The following NFATC2 variants were observed in gnomAD, a reference collection of about 807,000 sequenced individuals.
NFATC2 encodes the protein nuclear factor of activated T-cells, cytoplasmic 2.
NFATC2 carries 22 observed loss-of-function variants against 87.3 expected under a neutral mutation model. The observed-to-expected ratio is 0.25, with a 90% CI of 0.18 to 0.36. The LOEUF (loss-of-function observed/expected upper bound fraction) is 0.36, where lower values mean the gene tolerates loss of function less well. Among genes scored for constraint, NFATC2 ranks in the 10% least tolerant of loss-of-function variants. The pLI is 1.00. For missense variants in NFATC2, 1,149 were observed against 1,259.1 expected, an observed-to-expected ratio of 0.91 and a Z score of 1.32; for synonymous variants, 565 against 542.2, an observed-to-expected ratio of 1.04 and a Z score of -0.58.
At chr20:51,443,764 G>A (rs932584318) in intron 6 of NFATC2, among the ~76,000 whole-genome samples, 1 of 152,152 alleles carries the variant, frequency 6.6e-6, no homozygotes, top group Admixed American at 6.5e-5. Context: ...CTCTTGAGCA[G>A]ATGTTCAGGC....
intron 9 of NFATC2, among the ~76,000 whole-genome samples, chr20:51,422,667 A>C (rs1814394366): frequency 6.6e-6 from 1 of 150,950 alleles, no homozygotes; most frequent in African/African-American, 2.4e-5. Flanking sequence ...CCAGAATGTT[A>C]CTTGAAGGCA....
At chr20:51,420,520 A>AT (rs1275593367) in intron 9 of NFATC2, among the ~76,000 whole-genome samples, 1 of 152,146 alleles carries the variant, frequency 6.6e-6, no homozygotes, top group Non-Finnish European at 1.5e-5. Flanking sequence ...AAACAACCTC[A>AT]TTTTTTCAAC....
chr20:51,562,747 G>C, upstream of NFATC2: 1 of 968,668 alleles, frequency 1.0e-6, no homozygotes, highest in Non-Finnish European at 1.5e-6. This position sits in a 1 kb window ranked among gnomAD's most constrained non-coding sequence, Gnocchi z 5.8. Context: ...TGGCCGAGGA[G>C]CCTCGGAGCG....
intron 6 of NFATC2, among the ~76,000 whole-genome samples, chr20:51,449,898 C>CTAAT (rs1325899859): frequency 6.6e-6 from 1 of 151,680 alleles, no homozygotes; most frequent in Non-Finnish European, 1.5e-5. Flanking sequence ...TAATGAACTA[C>CTAAT]TAATTACTCA....
chr20:51,391,294 A>G lies in NFATC2; in HGVS notation c.*202T>C, dbSNP rs771733644. ...TGCCCATACATTGATCCGCGTGTGG[A>G]CTCCGGGCTGGGAGATGAACATGAA... On this transcript the variant is annotated 3_prime_UTR_variant, in exon 11 of 11. Transcript: ENST00000371564. 1.6e-6 allele frequency: 2 copies of G among 1,259,474 alleles called. No homozygotes were observed. Among genetic ancestry groups the G allele is most frequent in the Admixed American group, 1.7e-5 (1 of 59,440 alleles). 78.0% of individuals were successfully genotyped at this position (1,259,474 alleles called of 1,614,324 possible). A position where few individuals can be genotyped will look rare whatever the true frequency, so the allele number is the denominator to read the frequency against.
intron 2 of NFATC2, among the ~76,000 whole-genome samples, chr20:51,517,945 T>C (rs947300971): frequency 1.3e-5 from 2 of 151,756 alleles, no homozygotes; most frequent in Admixed American, 1.3e-4. Context: ...AAAACAGTAT[T>C]ATAATCTTAC....
intron 9 of NFATC2, among the ~76,000 whole-genome samples, chr20:51,425,525 C>T (rs1366818283): frequency 7.2e-5 from 11 of 152,208 alleles, no homozygotes; most frequent in African/African-American, 2.7e-4. Flanking sequence ...CACCAGGAGG[C>T]CCAGCCCTGC....
chr20:51,402,331 A>AGTAGC (rs1988132439), intron 9 of NFATC2, among the ~76,000 whole-genome samples: 1 of 152,238 alleles, frequency 6.6e-6, no homozygotes, highest in Non-Finnish European at 1.5e-5. Context: ...CGGCTTCTAA[A>AGTAGC]GTAGCAACCA....
upstream of NFATC2, among the ~76,000 whole-genome samples, chr20:51,546,343 C>T (rs1410244915): frequency 1.3e-5 from 2 of 152,104 alleles, no homozygotes; most frequent in African/African-American, 2.4e-5. Flanking sequence ...TAAAGGTTAC[C>T]TTGAAGGGTG....
chr20:51,500,621 C>A (rs2076062094), intron 3 of NFATC2, among the ~76,000 whole-genome samples: 1 of 140,218 alleles, frequency 7.1e-6, no homozygotes. Flanking sequence ...GCCAAGAATG[C>A]TCCCACCCCT....
chr20:51,397,796 A>G (rs1987407269), intron 10 of NFATC2, among the ~76,000 whole-genome samples: 1 of 152,174 alleles, frequency 6.6e-6, no homozygotes, highest in Non-Finnish European at 1.5e-5. Flanking sequence ...TGGGTGTACT[A>G]ATATAAACTC....
intron 6 of NFATC2, among the ~76,000 whole-genome samples, chr20:51,443,764 G>C (rs932584318): frequency 7.2e-5 from 11 of 152,152 alleles, no homozygotes; most frequent in Non-Finnish European, 1.6e-4. Flanking sequence ...CTCTTGAGCA[G>C]ATGTTCAGGC....
chr20:51,475,699 G>C (rs1385235151), intron 3 of NFATC2, 39 bp from the exon 4 acceptor site: 15 of 1,601,248 alleles, frequency 9.4e-6, no homozygotes, highest in Non-Finnish European at 1.3e-5. Context: ...GGTGCGGGGT[G>C]TGGTGGCTCT....
chr20:51,548,139 C>T (rs2076904535), intron 1 of NFATC2, among the ~76,000 whole-genome samples: 1 of 152,182 alleles, frequency 6.6e-6, no homozygotes, highest in Non-Finnish European at 1.5e-5. Context: ...CTCTTACTCC[C>T]TCTGCCACCC....
intron 9 of NFATC2, among the ~76,000 whole-genome samples, chr20:51,400,273 C>A (rs929026735): frequency 6.6e-6 from 1 of 152,156 alleles, no homozygotes; most frequent in Non-Finnish European, 1.5e-5. Flanking sequence ...TCACTTTATC[C>A]ATATCTACTC....
intron 1 of NFATC2, among the ~76,000 whole-genome samples, chr20:51,561,120 G>C (rs566128179): frequency 7.0e-6 from 1 of 143,420 alleles, no homozygotes; most frequent in Non-Finnish European, 1.5e-5. Flanking sequence ...CAGATGATAC[G>C]ATATCAGTAA....
At chr20:51,508,265 CCT>C (rs2076216472) in intron 3 of NFATC2, among the ~76,000 whole-genome samples, 2 of 152,100 alleles carry the variant, frequency 1.3e-5, no homozygotes, top group Non-Finnish European at 2.9e-5. Context: ...CACCACGCCA[CCT>C]CTCTGCCTGC....
Position 51,389,351 on chromosome 20 carries a change from C to CA in NFATC2, c.*2144dup, listed in dbSNP as rs1458951139. On this transcript the variant is annotated 3_prime_UTR_variant, in exon 11 of 11. Coordinates refer to ENST00000371564, the MANE Select transcript of NFATC2 (RefSeq NM_012340.5). ...AGGAAAGCCCAAATTCCCTCATGTA[C>CA]AAAAAACAGCTCCTAGCCAGTCCTA... 6.6e-6 allele frequency: 1 copy of CA among 152,094 alleles called. No homozygotes were observed. Among genetic ancestry groups the CA allele is most frequent in the Non-Finnish European group, 1.5e-5 (1 of 68,012 alleles). The allele number at this position is 152,094 out of a possible 1,614,324, so 9.4% of individuals were successfully genotyped here.
chr20:51,434,208 TCAAGCTCACCAAGGCAAGGCTGCCAGGGC>T (rs1983221086), intron 8 of NFATC2, among the ~76,000 whole-genome samples: 1 of 147,684 alleles, frequency 6.8e-6, no homozygotes, highest in Admixed American at 6.9e-5. Context: ...GCCAGGGCAG[TCAAGCTCACCAAGGCAAGGCTGCCAGGGC>T]AGTCAAGCTC....
Sources: allele counts gnomAD v4.1 joint callset (sites outside exome capture counted in the v4.1 genomes callset), GRCh38; gene constraint gnomAD v4.1.1; non-coding constraint Gnocchi (gnomAD v3.1); transcripts MANE v1.5; gene names NCBI Gene and HGNC (gene_info 2026-07-23, HGNC 2026-07-21).